ZBTB20: variants seen among roughly 807,000 people sequenced by gnomAD.
ZBTB20 encodes zinc finger and BTB domain-containing protein 20.
In ZBTB20, 9 loss-of-function variants were observed where a neutral mutation model predicts 56.9. That is an observed-to-expected ratio of 0.16 (90% CI 0.10 to 0.28). The LOEUF (loss-of-function observed/expected upper bound fraction) is 0.28. Among genes scored for constraint, ZBTB20 ranks in the 10% least tolerant of loss-of-function variants. The probability of loss-of-function intolerance (pLI) is 1.00; values close to 1 mark genes in which losing one functional copy is unlikely to be tolerated. For missense variants in ZBTB20, 655 were observed against 1,003.0 expected (o/e 0.65, Z 4.69); for synonymous variants, 417 against 420.7 (o/e 0.99, Z 0.11).
chr3:114,561,905 T>C (rs140320322), intron 6 of ZBTB20, among the ~76,000 whole-genome samples: 62 of 152,260 alleles, frequency 4.1e-4, no homozygotes, highest in African/African-American at 1.5e-3. Context: ...ATTTCATCTA[T>C]ATTGAGAATC....
intron 4 of ZBTB20, among the ~76,000 whole-genome samples, chr3:114,882,902 A>C (rs2076450871): frequency 6.6e-6 from 1 of 152,154 alleles, no homozygotes; most frequent in African/African-American, 2.4e-5. Context: ...AATAGCAGAA[A>C]GATTGTTCAG....
chr3:115,107,322 A>C (rs1389389237), intron 1 of ZBTB20, among the ~76,000 whole-genome samples: 1 of 151,824 alleles, frequency 6.6e-6, no homozygotes, highest in Non-Finnish European at 1.5e-5. Flanking sequence ...TGGGAGGCTG[A>C]GGTGAGAGGA....
chr3:114,485,237 C>G (rs375813853), intron 7 of ZBTB20, among the ~76,000 whole-genome samples: 24 of 152,162 alleles, frequency 1.6e-4, no homozygotes, highest in African/African-American at 5.8e-4. Context: ...AATACTTTTG[C>G]GAAGAAATGA....
intron 5 of ZBTB20, among the ~76,000 whole-genome samples, chr3:114,731,198 C>A (rs1321378163): frequency 6.6e-6 from 1 of 152,136 alleles, no homozygotes; most frequent in Admixed American, 6.6e-5. Flanking sequence ...TCCTGTTAAT[C>A]CCGGTTCCCT....
intron 5 of ZBTB20, among the ~76,000 whole-genome samples, chr3:114,787,237 C>T (rs1175754031): frequency 6.6e-6 from 1 of 150,876 alleles, no homozygotes; most frequent in African/African-American, 2.4e-5. Flanking sequence ...CTTGGCCTCC[C>T]AAACTGCTGG....
chr3:114,855,912 A>T (rs2075230024), intron 4 of ZBTB20, among the ~76,000 whole-genome samples: 1 of 152,250 alleles, frequency 6.6e-6, no homozygotes. Context: ...GCAGCTTCAA[A>T]GCGAAAGTTA....
intron 7 of ZBTB20, among the ~76,000 whole-genome samples, chr3:114,463,338 T>C (rs1472043088): frequency 6.6e-6 from 1 of 152,214 alleles, no homozygotes; most frequent in Admixed American, 6.5e-5. Flanking sequence ...CTACGTTGTA[T>C]ATGCCTCCAA....
intron 4 of ZBTB20, among the ~76,000 whole-genome samples, chr3:114,843,468 G>A (rs937591736): frequency 1.3e-5 from 2 of 152,156 alleles, no homozygotes; most frequent in Non-Finnish European, 2.9e-5. Flanking sequence ...AGTAAATGGG[G>A]AGCTAGGTCT....
At position 114,338,778 on chromosome 3, in the gene ZBTB20, C is replaced by T. The variant is rs545547287; in HGVS notation, c.*227G>A. On this transcript the variant is annotated 3_prime_UTR_variant, in exon 12 of 12. Coordinates refer to ENST00000675478, the MANE Select transcript of ZBTB20 (RefSeq NM_001348800.3). ...ACTACCAGGCCTTAAGGCCACCATC[C>T]GAGGGAGACTGGGAAAACTATTATT... 10 of 441,510 alleles carry T rather than the reference C, an allele frequency of 2.3e-5. No individual in the cohort carries two copies. Among genetic ancestry groups the T allele is most frequent in the Admixed American group, 1.6e-4 (4 of 25,234 alleles). The allele number at this position is 441,510 out of a possible 1,614,324, so 27.3% of individuals were successfully genotyped here.
intron 4 of ZBTB20, among the ~76,000 whole-genome samples, chr3:114,852,546 G>C (rs2075055846): frequency 6.6e-6 from 1 of 152,166 alleles, no homozygotes; most frequent in South Asian, 2.1e-4. Context: ...TTACAGGTGT[G>C]AGCCACACCG....
intron 8 of ZBTB20, among the ~76,000 whole-genome samples, chr3:114,382,470 G>A (rs567805924): frequency 3.3e-5 from 5 of 152,090 alleles, no homozygotes; most frequent in Admixed American, 3.3e-4. Flanking sequence ...CTACATTCTG[G>A]GCTCTACATC....
At chr3:115,001,088 CAA>C (rs200876162) in intron 2 of ZBTB20, among the ~76,000 whole-genome samples, 10 of 85,782 alleles carry the variant, frequency 1.2e-4, no homozygotes, top group Non-Finnish European at 7.5e-5. Flanking sequence ...TCCCACAAAT[CAA>C]AAAAAAAAAA....
chr3:114,928,653 G>T (rs202072687), intron 3 of ZBTB20, among the ~76,000 whole-genome samples: 5 of 152,212 alleles, frequency 3.3e-5, no homozygotes, highest in Admixed American at 6.5e-5. Context: ...ATCTGATGTT[G>T]TCTTACCTAC....
chr3:114,487,190 G>T (rs922845519), intron 7 of ZBTB20, among the ~76,000 whole-genome samples: 1 of 152,148 alleles, frequency 6.6e-6, no homozygotes, highest in African/African-American at 2.4e-5. Flanking sequence ...AAGCTTTCTA[G>T]GAGCATCATT....
intron 6 of ZBTB20, among the ~76,000 whole-genome samples, chr3:114,547,617 T>C (rs2050050672): frequency 4.6e-5 from 7 of 152,170 alleles, no homozygotes; most frequent in Non-Finnish European, 1.0e-4. Context: ...TTAAGGGGTG[T>C]ATGCATGTGA....
intron 2 of ZBTB20, among the ~76,000 whole-genome samples, chr3:114,998,494 T>C (rs1450089005): frequency 1.3e-5 from 2 of 151,682 alleles, no homozygotes; most frequent in Non-Finnish European, 2.9e-5. Context: ...TTTCCCTTTA[T>C]CTCAAATAAA....
chr3:115,018,617 C>T (rs2080077171), intron 2 of ZBTB20, among the ~76,000 whole-genome samples: 1 of 151,218 alleles, frequency 6.6e-6, no homozygotes, highest in African/African-American at 2.4e-5. Context: ...ATGATGATCG[C>T]ATTTGTGAAA....
At chr3:115,003,573 T>C (rs1576539187) in intron 2 of ZBTB20, among the ~76,000 whole-genome samples, 1 of 151,678 alleles carries the variant, frequency 6.6e-6, no homozygotes, top group East Asian at 1.9e-4. Context: ...TATGAGCCTA[T>C]AATCCCAGCA....
intron 5 of ZBTB20, among the ~76,000 whole-genome samples, chr3:114,777,726 T>C (rs1303100215): frequency 6.6e-6 from 1 of 152,092 alleles, no homozygotes; most frequent in African/African-American, 2.4e-5. Context: ...ACCATTTGAC[T>C]CAACCATCCC....
Sources: allele counts gnomAD v4.1 joint callset (sites outside exome capture counted in the v4.1 genomes callset), GRCh38; gene constraint gnomAD v4.1.1; transcripts MANE v1.5; gene names NCBI Gene and HGNC (gene_info 2026-07-23, HGNC 2026-07-21).